RIMKLB: variants seen among roughly 807,000 people sequenced by gnomAD.
RIMKLB encodes the protein ribosomal modification protein rimK like family member B.
In RIMKLB, 7 loss-of-function variants were observed where a neutral mutation model predicts 32.0. The ratio of observed to expected loss-of-function variants is 0.22; its 90% CI spans 0.12 to 0.41. The LOEUF (loss-of-function observed/expected upper bound fraction) is 0.41, where lower values mean the gene tolerates loss of function less well. RIMKLB is among the 10% of genes least tolerant of loss of function. RIMKLB has a pLI of 1.00. For synonymous variants in RIMKLB, 172 were observed against 185.1 expected (o/e 0.93, Z 0.57); for missense variants, 289 against 498.7 (o/e 0.58, Z 4.00).
intron 1 of RIMKLB, among the ~76,000 whole-genome samples, chr12:8,705,124 GGGC>G (rs1943747489): frequency 6.6e-6 from 1 of 152,088 alleles, no homozygotes; most frequent in Non-Finnish European, 1.5e-5. Context: ...AAGTGACAGA[GGGC>G]AGAAGATTTA....
intron 2 of RIMKLB, among the ~76,000 whole-genome samples, chr12:8,716,759 C>T (rs1465052874): frequency 1.8e-4 from 22 of 120,830 alleles, no homozygotes; most frequent in Non-Finnish European, 3.4e-4. Flanking sequence ...TACTTTGAGA[C>T]GGGGTCTCGC....
At chr12:8,743,457 T>C (rs1222474990) in intron 2 of RIMKLB, among the ~76,000 whole-genome samples, 1 of 151,642 alleles carries the variant, frequency 6.6e-6, no homozygotes, top group Admixed American at 6.6e-5. Flanking sequence ...AGGCTGCCAT[T>C]TGTCTGTTCC....
intron 1 of RIMKLB, among the ~76,000 whole-genome samples, chr12:8,691,230 A>G (rs1472438998): frequency 6.6e-6 from 1 of 152,098 alleles, no homozygotes; most frequent in Non-Finnish European, 1.5e-5. Flanking sequence ...GGCTCAAGCA[A>G]TCCTCCTGCC....
At chr12:8,739,175 C>A (rs766501096) in intron 2 of RIMKLB, among the ~76,000 whole-genome samples, 5 of 152,036 alleles carry the variant, frequency 3.3e-5, no homozygotes, top group Non-Finnish European at 1.5e-5. Flanking sequence ...TTCTGAAGAA[C>A]AGTGTTCTGG....
intron 5 of RIMKLB, among the ~76,000 whole-genome samples, chr12:8,765,724 G>A (rs1007226621): frequency 1.3e-5 from 2 of 152,076 alleles, no homozygotes; most frequent in African/African-American, 2.4e-5. Context: ...TTACCCCTTT[G>A]TCTATCTCCT....
chr12:8,685,243 C>T (rs1463490089), intron 1 of RIMKLB, among the ~76,000 whole-genome samples: 1 of 152,172 alleles, frequency 6.6e-6, no homozygotes, highest in Non-Finnish European at 1.5e-5. Context: ...AGTTTCTCAC[C>T]AACATGATGT....
intron 5 of RIMKLB, among the ~76,000 whole-genome samples, chr12:8,762,809 A>T (rs1441926227): frequency 6.6e-6 from 1 of 152,102 alleles, no homozygotes; most frequent in Admixed American, 6.5e-5. Context: ...TGCTTTTCGA[A>T]GTCCTTTTTC....
At chr12:8,703,058 G>A (rs79584686) in intron 1 of RIMKLB, among the ~76,000 whole-genome samples, 57 of 152,286 alleles carry the variant, frequency 3.7e-4, no homozygotes, top group African/African-American at 1.3e-3. Flanking sequence ...GGCCAAGATG[G>A]GTGGATCACC....
intron 2 of RIMKLB, among the ~76,000 whole-genome samples, chr12:8,734,157 A>T (rs528269380): frequency 6.6e-6 from 1 of 152,200 alleles, no homozygotes; most frequent in Non-Finnish European, 1.5e-5. Context: ...CCTAGGCCTA[A>T]TGGTACCAAA....
intron 2 of RIMKLB, among the ~76,000 whole-genome samples, chr12:8,718,707 G>A (rs1945140447): frequency 6.7e-6 from 1 of 148,404 alleles, no homozygotes; most frequent in Admixed American, 6.7e-5. Context: ...GTGTGTGTGT[G>A]TGTATAATCA....
At chr12:8,671,702 G>A in the RIMKLB span, among the ~76,000 whole-genome samples, 16 of 152,226 alleles carry the variant, frequency 1.1e-4, no homozygotes, top group East Asian at 2.7e-3. Flanking sequence ...CACGAGGTCA[G>A]GAGTTCAAGA....
intron 3 of RIMKLB, among the ~76,000 whole-genome samples, chr12:8,750,412 G>A (rs997008503): frequency 7.9e-5 from 12 of 152,250 alleles, no homozygotes; most frequent in African/African-American, 2.4e-4. Flanking sequence ...GCTTTGTTCC[G>A]ATGAAACTTT....
At chr12:8,742,609 A>C (rs1947663039) in intron 2 of RIMKLB, 1 of 283,200 alleles carries the variant, frequency 3.5e-6, no homozygotes, top group Non-Finnish European at 6.8e-6. Context: ...AGAAGCTTCT[A>C]CTGGCAGCTC....
intron 2 of RIMKLB, among the ~76,000 whole-genome samples, chr12:8,715,438 TG>T (rs1024116663): frequency 6.6e-6 from 1 of 152,124 alleles, no homozygotes; most frequent in Non-Finnish European, 1.5e-5. Flanking sequence ...TTGGCCAGGC[TG>T]GTCTCCAACT....
intron 2 of RIMKLB, among the ~76,000 whole-genome samples, chr12:8,722,650 T>G (rs1483127421): frequency 6.6e-6 from 1 of 152,246 alleles, no homozygotes; most frequent in Non-Finnish European, 1.5e-5. Context: ...GCTATCAAAG[T>G]CCTAGAGGGC....
At chr12:8,713,767 G>C in intron 1 of RIMKLB, 44 bp from the exon 2 acceptor site, 1 of 1,163,260 alleles carries the variant, frequency 8.6e-7, no homozygotes, top group South Asian at 1.3e-5. Context: ...AAATCAAGTA[G>C]ATTTCTTGAT....
At chr12:8,758,737 C>T (rs1949283435) in intron 5 of RIMKLB, among the ~76,000 whole-genome samples, 1 of 152,116 alleles carries the variant, frequency 6.6e-6, no homozygotes, top group Non-Finnish European at 1.5e-5. Flanking sequence ...ATCCTGTTTT[C>T]TTTTTTCGAA....
At chr12:8,698,829 C>T (rs1943116945) in intron 1 of RIMKLB, among the ~76,000 whole-genome samples, 1 of 152,006 alleles carries the variant, frequency 6.6e-6, no homozygotes, top group South Asian at 2.1e-4. Flanking sequence ...GAGAGTGTGA[C>T]AGTCATTCCA....
the RIMKLB span, among the ~76,000 whole-genome samples, chr12:8,672,431 A>T: frequency 1.3e-5 from 2 of 152,206 alleles, no homozygotes; most frequent in African/African-American, 4.8e-5. Context: ...AAGAGGTTTA[A>T]TTGAACTTAC....
Sources: allele counts gnomAD v4.1 joint callset (sites outside exome capture counted in the v4.1 genomes callset), GRCh38; gene constraint gnomAD v4.1.1; transcripts MANE v1.5; gene names NCBI Gene and HGNC (gene_info 2026-07-23, HGNC 2026-07-21).